Variants in WWP1 observed in about 807,000 individuals in gnomAD.
WWP1 encodes the protein WW domain containing E3 ubiquitin protein ligase 1, also known as NEDD4-like E3 ubiquitin-protein ligase WWP1.
Under a neutral mutation model 130.6 loss-of-function variants are expected in WWP1, and 49 were observed. The ratio of observed to expected loss-of-function variants is 0.38; its 90% confidence interval spans 0.30 to 0.48. The LOEUF is 0.48. Among genes scored for constraint, WWP1 ranks in the 20% least tolerant of loss-of-function variants. WWP1 has a pLI of 0.99. For missense variants in WWP1, 809 were observed against 1,100.6 expected, an observed-to-expected ratio of 0.74 and a Z score of 3.75; for synonymous variants, 332 against 367.8, an observed-to-expected ratio of 0.90 and a Z score of 1.11.
intron 1 of WWP1, among the ~76,000 whole-genome samples, chr8:86,361,167 G>C (rs551277104): frequency 2.6e-5 from 4 of 152,144 alleles, no homozygotes; most frequent in Non-Finnish European, 5.9e-5. Context: ...AGTGAAGAGT[G>C]GGGCAGGAAG....
intron 11 of WWP1, among the ~76,000 whole-genome samples, chr8:86,428,225 C>T (rs1809740321): frequency 6.6e-6 from 1 of 152,142 alleles, no homozygotes; most frequent in Non-Finnish European, 1.5e-5. Flanking sequence ...TGATTCTCTT[C>T]CCAGATTCTA....
rs1408592415 is a variant in WWP1 at position 86,431,534 on chromosome 8, AG to A, written c.1472+46del. The A allele has an allele frequency of 6.2e-6, 10 of 1,611,064 alleles. No individual in the cohort carries two copies. The Admixed American group carries it at 1.3e-4, about 22-fold the overall frequency. ...CTTAAGTCGTCTTGCATATATCAGT[AG>A]GTAGAACCAACCAACCTTGAATGAG... On this transcript the variant is annotated intron_variant, in intron 13 of 24. Transcript: ENST00000517970.
At chr8:86,374,556 T>C (rs1824521995) in intron 3 of WWP1, among the ~76,000 whole-genome samples, 1 of 152,218 alleles carries the variant, frequency 6.6e-6, no homozygotes, top group African/African-American at 2.4e-5. Flanking sequence ...TTAACAGAGC[T>C]AGGAAATGTT....
chr8:86,454,130 T>C (rs1012835757), intron 21 of WWP1, among the ~76,000 whole-genome samples: 1 of 152,142 alleles, frequency 6.6e-6, no homozygotes, highest in African/African-American at 2.4e-5. Flanking sequence ...CCACAATCCA[T>C]GGACACTCAA....
At chr8:86,373,258 A>G (rs1412603127) in intron 2 of WWP1, among the ~76,000 whole-genome samples, 2 of 151,494 alleles carry the variant, frequency 1.3e-5, no homozygotes, top group South Asian at 2.1e-4. Context: ...ATTTCAGTGT[A>G]TTTTTTTTGT....
intron 21 of WWP1, among the ~76,000 whole-genome samples, chr8:86,456,004 C>T (rs1811424810): frequency 6.6e-6 from 1 of 151,878 alleles, no homozygotes; most frequent in Non-Finnish European, 1.5e-5. Flanking sequence ...GATATTTCAA[C>T]GTGGAAAGGG....
chr8:86,348,656 T>C (rs1425606696), intron 1 of WWP1, among the ~76,000 whole-genome samples: 2 of 152,252 alleles, frequency 1.3e-5, no homozygotes, highest in Non-Finnish European at 2.9e-5. Context: ...ACCTGGAGTT[T>C]AGTGGAATCA....
intron 5 of WWP1, among the ~76,000 whole-genome samples, chr8:86,389,723 C>T (rs1012854279): frequency 1.1e-4 from 17 of 152,108 alleles, no homozygotes; most frequent in African/African-American, 2.4e-5. Flanking sequence ...ACTTCCCAGA[C>T]GGGGCGGCCG....
At chr8:86,383,464 G>A (rs1194995319) in intron 5 of WWP1, among the ~76,000 whole-genome samples, 3 of 152,192 alleles carry the variant, frequency 2.0e-5, no homozygotes, top group Admixed American at 2.0e-4. Flanking sequence ...TACCTTGGCT[G>A]TGTGCAGTGG....
rs200170387 is a variant in WWP1, at chr8:86,423,063, A to ATT, written c.1062-2145_1062-2144dup. ...TTAATATTAAGTTGAAGGTTTCTTC[A>ATT]TTTTTTTTTTTTTTTTGGAAACTGA... On this transcript the variant is annotated intron_variant, in intron 9 of 24. Coordinates refer to ENST00000517970, the MANE Select transcript of WWP1 (RefSeq NM_007013.4). Among the ~76,000 whole-genome samples, 1,094 of 140,614 alleles carry ATT rather than the reference A, an allele frequency of 7.8e-3. 14 individuals carry two copies. The highest frequency in any genetic ancestry group is 0.027 in the African/African-American group (1,034 of 38,298). 92.2% of individuals were successfully genotyped at this position (140,614 alleles called of 152,430 possible).
At chr8:86,409,886 A>G (rs1808494601) in intron 8 of WWP1, among the ~76,000 whole-genome samples, 2 of 152,248 alleles carry the variant, frequency 1.3e-5, no homozygotes, top group South Asian at 4.1e-4. Context: ...AAAATGTTTT[A>G]CAATTATTGT....
chr8:86,385,622 A>T (rs1221619123), intron 5 of WWP1, among the ~76,000 whole-genome samples: 4 of 152,194 alleles, frequency 2.6e-5, no homozygotes, highest in African/African-American at 9.7e-5. Flanking sequence ...ATTTTAAAGG[A>T]TGAAAGGACA....
chr8:86,431,570 G>T, intron 13 of WWP1, 45 bp from the exon 14 acceptor site: 1 of 1,611,918 alleles, frequency 6.2e-7, no homozygotes, highest in Non-Finnish European at 8.5e-7. Flanking sequence ...GATATTTTTA[G>T]TACCTAGAAA....
At chr8:86,459,994 G>A (rs1407695870) in intron 22 of WWP1, among the ~76,000 whole-genome samples, 1 of 152,168 alleles carries the variant, frequency 6.6e-6, no homozygotes, top group African/African-American at 2.4e-5. Context: ...CAGCTATTTT[G>A]TCTTATCCTT....
chr8:86,455,853 A>T (rs1450721184), intron 21 of WWP1, among the ~76,000 whole-genome samples: 4 of 151,960 alleles, frequency 2.6e-5, no homozygotes, highest in Non-Finnish European at 5.9e-5. Flanking sequence ...GATTTGCATC[A>T]CCTGATTTTA....
chr8:86,467,507 G>GTTA lies in WWP1; in HGVS notation c.*615_*617dup, dbSNP rs1812242877. Reference sequence around the variant, plus strand: ...TTTTCTCTGTTACATCAGTAATATTGTTAAAGTAATGGATAGAACCATAAC... The same window carrying GTTA: ...TTTTCTCTGTTACATCAGTAATATTGTTATTAAAGTAATGGATAGAACCATAAC... On this transcript the variant is annotated 3_prime_UTR_variant, in exon 25 of 25. Coordinates refer to ENST00000517970, the MANE Select transcript of WWP1 (RefSeq NM_007013.4). 6.6e-6 allele frequency: 1 copy of GTTA among 151,996 alleles called. No individual in the cohort carries two copies. The highest frequency in any genetic ancestry group is 6.6e-5 in the Admixed American group (1 of 15,152). The allele number at this position is 151,996 out of a possible 1,614,324, so 9.4% of individuals were successfully genotyped here. A position where few individuals can be genotyped will look rare whatever the true frequency, so the allele number is the denominator to read the frequency against.
intron 5 of WWP1, among the ~76,000 whole-genome samples, chr8:86,386,068 G>T (rs1195978331): frequency 1.3e-5 from 2 of 152,108 alleles, no homozygotes; most frequent in Non-Finnish European, 2.9e-5. Context: ...AGTTCAGTTT[G>T]TCTAATTTCC....
intron 8 of WWP1, among the ~76,000 whole-genome samples, chr8:86,407,874 G>T (rs1463522064): frequency 1.3e-5 from 2 of 151,968 alleles, no homozygotes; most frequent in African/African-American, 4.8e-5. Flanking sequence ...TACAATTAAT[G>T]AACCATTAAT....
chr8:86,353,227 A>C (rs1179843916), intron 1 of WWP1, among the ~76,000 whole-genome samples: 1 of 111,534 alleles, frequency 9.0e-6, no homozygotes, highest in Non-Finnish European at 2.2e-5. Flanking sequence ...GCTAATCTCT[A>C]ACTGTTATTT....
Sources: gnomAD v4.1 joint callset for allele counts (sites outside exome capture counted in the v4.1 genomes callset) on GRCh38, gnomAD v4.1.1 for gene constraint, MANE v1.5 for transcripts, NCBI Gene and HGNC (gene_info 2026-07-23, HGNC 2026-07-21) for gene names.